Variants in FOXJ2 observed in about 807,000 individuals in gnomAD.
FOXJ2 encodes forkhead box J2.
In FOXJ2, 18 loss-of-function variants were observed where a neutral mutation model predicts 68.4. The ratio of observed to expected loss-of-function variants is 0.26; its 90% CI spans 0.18 to 0.39. FOXJ2 has a LOEUF of 0.39. Ranked by LOEUF, FOXJ2 falls within the 10% of genes least tolerant of loss-of-function variation. The probability of loss-of-function intolerance (pLI) is 1.00; values close to 1 mark genes in which losing one functional copy is unlikely to be tolerated. For missense variants in FOXJ2, 670 were observed against 726.5 expected (o/e 0.92, Z 0.89); for synonymous variants, 274 against 263.2 (o/e 1.04, Z -0.40).
chr12:8,039,462 A>G (rs773739675), intron 1 of FOXJ2, among the ~76,000 whole-genome samples: 1 of 152,148 alleles, frequency 6.6e-6, no homozygotes, highest in Admixed American at 6.5e-5. Context: ...TTTACCTGCT[A>G]TCTAAGTGGG....
Position 8,035,760 on chromosome 12 carries a change from T to A in FOXJ2, c.-15+1927T>A, listed in dbSNP as rs1425531433. ...TAGGTGGCTACTGAGTGGGATTAACTGTGGTTTAGAGAGTGTGCTTTCCCA... is the reference window on the plus strand; with the variant it reads ...TAGGTGGCTACTGAGTGGGATTAACAGTGGTTTAGAGAGTGTGCTTTCCCA... On this transcript the variant is annotated intron_variant, in intron 1 of 10. Transcript: ENST00000162391. This position sits in a 1 kb window ranked among gnomAD's most constrained non-coding sequence, Gnocchi z 4.0. Among the ~76,000 whole-genome samples, 1 of 152,176 alleles carries A rather than the reference T, an allele frequency of 6.6e-6. No individual in the cohort carries two copies. The highest frequency in any genetic ancestry group is 2.4e-5 in the African/African-American group (1 of 41,436).
intron 6 of FOXJ2, among the ~76,000 whole-genome samples, chr12:8,045,575 C>G (rs967910984): frequency 6.6e-6 from 1 of 152,206 alleles, no homozygotes; most frequent in African/African-American, 2.4e-5. Flanking sequence ...TGGTCTCGAA[C>G]TCCTGGCCTC....
In FOXJ2 at chr12:8,035,766, T is replaced by A. The variant is rs1946887161; in HGVS notation, c.-15+1933T>A. Among the ~76,000 whole-genome samples, 1 of 152,148 alleles carries A rather than the reference T, an allele frequency of 6.6e-6. No individual in the cohort carries two copies. The highest frequency in any genetic ancestry group is 2.1e-4 in the South Asian group (1 of 4,832). ...GCTACTGAGTGGGATTAACTGTGGT[T>A]TAGAGAGTGTGCTTTCCCAGACCAT... On this transcript the variant is annotated intron_variant, in intron 1 of 10. Transcript: ENST00000162391. The surrounding 1 kb of genome is among the most constrained non-coding windows in gnomAD (Gnocchi z 4.0).
At chr12:8,039,741 ACT>A (rs1215258628) in intron 1 of FOXJ2, 76 bp from the exon 2 acceptor site, 43 of 1,246,396 alleles carry the variant, frequency 3.4e-5, no homozygotes, top group Non-Finnish European at 4.7e-5. Context: ...GTAGGAAGAA[ACT>A]CTACTTCCCT....
At chr12:8,052,333 T>C (rs1232546957) in intron 10 of FOXJ2, among the ~76,000 whole-genome samples, 3 of 150,898 alleles carry the variant, frequency 2.0e-5, no homozygotes, top group Non-Finnish European at 4.4e-5. Context: ...ATTCTCCTGC[T>C]TCAGCCTCCC....
At chr12:8,037,267 T>G (rs553336551) in intron 1 of FOXJ2, among the ~76,000 whole-genome samples, 15 of 151,996 alleles carry the variant, frequency 9.9e-5, no homozygotes, top group Non-Finnish European at 1.8e-4. Flanking sequence ...GTGGGATGGG[T>G]CAAAGGAGAA....
At chr12:8,041,263 G>A (rs1023769972) in intron 2 of FOXJ2, among the ~76,000 whole-genome samples, 2 of 151,698 alleles carry the variant, frequency 1.3e-5, no homozygotes, top group South Asian at 4.2e-4. Context: ...GTTTAGTGGC[G>A]TGATATCAGC....
At chr12:8,046,922 G>A (rs1050131632) in intron 6 of FOXJ2, among the ~76,000 whole-genome samples, 1 of 152,168 alleles carries the variant, frequency 6.6e-6, no homozygotes, top group African/African-American at 2.4e-5. Context: ...GACTCAGGTG[G>A]TTGGTTGATT....
At position 8,042,439 on chromosome 12, in the gene FOXJ2, T is replaced by C. The variant is rs752710679; in HGVS notation, c.334-219T>C. ...GCATTAGTAATCAAATTTATAGCCATTCCCTCCCATCAGTTTAATCTCTGC... is the reference window on the plus strand; with the variant it reads ...GCATTAGTAATCAAATTTATAGCCACTCCCTCCCATCAGTTTAATCTCTGC... On this transcript the variant is annotated intron_variant, in intron 2 of 10. Transcript: ENST00000162391. Among the ~76,000 whole-genome samples, 4 of 152,314 alleles carry C rather than the reference T, an allele frequency of 2.6e-5. No individual in the cohort carries two copies. The East Asian group carries it at 7.7e-4, about 29-fold the overall frequency.
chr12:8,040,217 T>C lies in FOXJ2; in HGVS notation c.333+52T>C. ...TAGGTTTAGGCTTCAACAGCCTTTT[T>C]AGAGAAAAAGGTTTTGTTTCTTCTT... On this transcript the variant is annotated intron_variant, in intron 2 of 10. Coordinates refer to ENST00000162391, the MANE Select transcript of FOXJ2 (RefSeq NM_018416.3). This position sits in a 1 kb window ranked among gnomAD's most constrained non-coding sequence, Gnocchi z 4.0. 1.9e-6 allele frequency: 3 copies of C among 1,558,190 alleles called. No individual in the cohort carries two copies. The highest frequency in any genetic ancestry group is 1.7e-6 in the Non-Finnish European group (2 of 1,143,060).
rs1193897543 is a variant in FOXJ2, at chr12:8,049,376, C to T, written c.1342C>T (p.Leu448=). ...CCTCTTTGTAGAACTGATGGAGAGT[C>T]TACGACAGGCAGAGCAGAAGAACTG... ...QSQFSELMES[L]RQAEQKNWTL... The change falls in exon 9 of 11, where the codon CTA becomes TTA. Residue 448 remains leucine (L), a synonymous_variant. Transcript: ENST00000162391. 1.9e-6 allele frequency: 3 copies of T among 1,612,800 alleles called. No homozygotes were observed. The highest frequency in any genetic ancestry group is 2.5e-6 in the Non-Finnish European group (3 of 1,179,262).
Position 8,048,686 on chromosome 12 carries a change from C to A in FOXJ2, c.1226-11C>A. 2 of 1,611,248 alleles carry A rather than the reference C, an allele frequency of 1.2e-6. No individual in the cohort carries two copies. The highest frequency in any genetic ancestry group is 8.5e-7 in the Non-Finnish European group (1 of 1,177,472). On this transcript the variant is annotated splice_polypyrimidine_tract_variant and intron_variant, in intron 7 of 10. Coordinates refer to ENST00000162391, the MANE Select transcript of FOXJ2 (RefSeq NM_018416.3). ...TCTATCTTATTATCCACTTTCCCCT[C>A]CTCTTTACAGCCTTTCCTTCTGACT...
At chr12:8,039,374 G>A (rs893461813) in intron 1 of FOXJ2, among the ~76,000 whole-genome samples, 2 of 152,128 alleles carry the variant, frequency 1.3e-5, no homozygotes, top group Non-Finnish European at 2.9e-5. Flanking sequence ...TGCTTTATAT[G>A]TACGTTCGTG....
At chr12:8,049,142 T>C (rs1373931301) in intron 8 of FOXJ2, among the ~76,000 whole-genome samples, 1 of 152,222 alleles carries the variant, frequency 6.6e-6, no homozygotes, top group Non-Finnish European at 1.5e-5. Flanking sequence ...TGAAAGTTTA[T>C]CTTACTCATC....
chr12:8,043,784 C>A lies in FOXJ2; in HGVS notation c.477+15C>A. The A allele has an allele frequency of 2.5e-6, 4 of 1,614,166 alleles. No homozygotes were observed. Among genetic ancestry groups the A allele is most frequent in the Non-Finnish European group, 3.4e-6 (4 of 1,179,982 alleles). Reference sequence around the variant, plus strand: ...CAGATGATGATGTAAGTTCCCAGCTCATGAGGAGATGCCATATCTGAGCCA... The same window carrying A: ...CAGATGATGATGTAAGTTCCCAGCTAATGAGGAGATGCCATATCTGAGCCA... On this transcript the variant is annotated intron_variant, in intron 4 of 10. Coordinates refer to ENST00000162391, the MANE Select transcript of FOXJ2 (RefSeq NM_018416.3).
In FOXJ2 at chr12:8,052,914, C is replaced by A; in HGVS notation, c.*64C>A. 1.6e-6 allele frequency: 2 copies of A among 1,266,538 alleles called. No homozygotes were observed. Among genetic ancestry groups the A allele is most frequent in the East Asian group, 5.0e-5 (2 of 40,044 alleles). The allele number at this position is 1,266,538 out of a possible 1,614,324, so 78.5% of individuals were successfully genotyped here. On this transcript the variant is annotated 3_prime_UTR_variant, in exon 11 of 11. Transcript: ENST00000162391. ...GTGAAATCTGGCAGTGGGGAAAGAG[C>A]AACCCCAGCCCGTCCCTTCCCCCCG...
intron 1 of FOXJ2, among the ~76,000 whole-genome samples, chr12:8,034,200 C>T (rs886103589): frequency 1.3e-5 from 2 of 152,190 alleles, no homozygotes; most frequent in African/African-American, 2.4e-5. Flanking sequence ...TACCACCCTT[C>T]ACCCTTGGGC....
At position 8,049,493 on chromosome 12, in the gene FOXJ2, C is replaced by T; in HGVS notation, c.1459C>T (p.His487Tyr). 1 of 1,613,992 alleles carries T rather than the reference C, an allele frequency of 6.2e-7. No homozygotes were observed. Residue 487 changes from histidine to tyrosine, a missense_variant, in exon 9 of 11, where the codon CAC becomes TAC. By Grantham distance (83) the His-to-Tyr change is moderately conservative (BLOSUM62 2). Around this residue, in one of 2 missense-constraint regions of FOXJ2, gnomAD observed 555 missense variants for 562.2 expected, o/e 0.99. Transcript: ENST00000162391. ...TCACGTGCCCCCTCAAGGGGGTACC[C>T]ACCGCCCACCAGCCCCTGCCCGTAT... ...TGHVPPQGGT[H>Y]RPPAPARIAD... is the part of the protein sequence containing the mutation.
chr12:8,034,179 T>C (rs77329234), intron 1 of FOXJ2, among the ~76,000 whole-genome samples: 289 of 152,288 alleles, frequency 1.9e-3, no homozygotes, highest in African/African-American at 6.5e-3. Context: ...CAACCAGTGG[T>C]AAGATTCCCA....
Sources: allele counts gnomAD v4.1 joint callset (sites outside exome capture counted in the v4.1 genomes callset), GRCh38; gene constraint gnomAD v4.1.1; regional missense constraint gnomAD v4.1.1; non-coding constraint Gnocchi (gnomAD v3.1); transcripts MANE v1.5; gene names NCBI Gene and HGNC (gene_info 2026-07-23, HGNC 2026-07-21).